The following MYCBP2 variants were observed in gnomAD, a reference collection of about 807,000 sequenced individuals.
MYCBP2 encodes the protein MYC binding protein 2.
In MYCBP2, 120 loss-of-function variants were observed where a neutral mutation model predicts 525.3. The ratio of observed to expected loss-of-function variants is 0.23; its 90% CI spans 0.20 to 0.27. The LOEUF (loss-of-function observed/expected upper bound fraction) is 0.27. MYCBP2 is among the 10% of genes least tolerant of loss of function. The probability of loss-of-function intolerance (pLI) is 1.00; values close to 1 mark genes in which losing one functional copy is unlikely to be tolerated. For missense variants in MYCBP2, 4,149 were observed against 5,657.1 expected (o/e 0.73, Z 8.55); for synonymous variants, 1,894 against 1,955.8 (o/e 0.97, Z 0.83).
intron 48 of MYCBP2, 108 bp downstream of exon 48, chr13:77,146,054 G>A: frequency 1.5e-6 from 1 of 666,496 alleles, no homozygotes; most frequent in Non-Finnish European, 2.5e-6. Flanking sequence ...CTAGAAAAAT[G>A]CTATAAAGTA....
At chr13:77,220,188 G>A (rs2065352495) in intron 20 of MYCBP2, among the ~76,000 whole-genome samples, 1 of 152,030 alleles carries the variant, frequency 6.6e-6, no homozygotes, top group South Asian at 2.1e-4. Context: ...ACTGGTAAGA[G>A]TATAGGTGAA....
rs79425400 is a variant in MYCBP2 at position 77,272,634 on chromosome 13, A to G, written c.945+838T>C. 4.2e-4 allele frequency among the ~76,000 whole-genome samples: 64 copies of G among 152,358 alleles called. No homozygotes were observed. The East Asian group carries it at 0.011, about 26-fold the overall frequency. ...AGCAACTTCAAAATAATTAAGGACC[A>G]TAAAAAGGGACAAAAGGATTCCAAG... On this transcript the variant is annotated intron_variant, in intron 5 of 82. Coordinates refer to ENST00000544440, the MANE Select transcript of MYCBP2 (RefSeq NM_015057.5).
At chr13:77,192,946 T>C (rs1336348784) in intron 27 of MYCBP2, among the ~76,000 whole-genome samples, 1 of 152,066 alleles carries the variant, frequency 6.6e-6, no homozygotes, top group African/African-American at 2.4e-5. Flanking sequence ...CTGGTCAGCA[T>C]GGTAAAACCC....
In MYCBP2 at chr13:77,168,578, A is replaced by G. The variant is rs985392049; in HGVS notation, c.5964T>C (p.Tyr1988=). The G allele has an allele frequency of 1.2e-6, 2 of 1,614,216 alleles. No homozygotes were observed. The highest frequency in any genetic ancestry group is 1.7e-5 in the Admixed American group (1 of 60,024). Residue 1988 remains tyrosine (Y), a synonymous_variant, in exon 40 of 83, where the codon TAT becomes TAC. Transcript: ENST00000544440. ...LPSVAILNQK[Y]APPAFNPNQS... ...GATTAGGGTTGAAGGCAGGCGGTGCATACTTCTGATTCAAAATGGCAACTG... is the reference window on the plus strand; with the variant it reads ...GATTAGGGTTGAAGGCAGGCGGTGCGTACTTCTGATTCAAAATGGCAACTG...
rs1287012409 is a variant in MYCBP2, at chr13:77,098,507, T to G, written c.8647A>C (p.Lys2883Gln). The G allele has an allele frequency of 6.2e-7, 1 of 1,613,742 alleles. No individual in the cohort carries two copies. Among genetic ancestry groups the G allele is most frequent in the Non-Finnish European group, 8.5e-7 (1 of 1,179,820 alleles). ...SYTLDPDTLR[K>Q]KKMPLTEPLR... is the part of the protein sequence containing the mutation. ...GGTTCTGTGAGGGGCATTTTCTTCT[T>G]GCGGAGGGTATCTGGATCAAGTGTG... The change falls in exon 56 of 83, where the codon AAG becomes CAG. Residue 2883 changes from lysine to glutamine, a missense_variant. Around this residue, in one of 21 missense-constraint regions of MYCBP2, gnomAD observed 653 missense variants for 744.7 expected, o/e 0.88. Transcript: ENST00000544440.
chr13:77,121,615 T>C, intron 54 of MYCBP2, 120 bp from the exon 55 acceptor site: 1 of 985,776 alleles, frequency 1.0e-6, no homozygotes, highest in Non-Finnish European at 1.4e-6. Context: ...AGCTCACATC[T>C]AGATTTGATC....
chr13:77,200,733 A>G (rs2062423495), intron 26 of MYCBP2, among the ~76,000 whole-genome samples: 1 of 152,332 alleles, frequency 6.6e-6, no homozygotes, highest in East Asian at 1.9e-4. Context: ...GTGGGGGCCA[A>G]TATTCAACAT....
intron 55 of MYCBP2, chr13:77,118,526 C>T (rs1283728190): frequency 1.3e-6 from 1 of 763,352 alleles, no homozygotes; most frequent in African/African-American, 1.7e-5. Context: ...AAAACTACAA[C>T]TCGTTATTCA....
chr13:77,178,041 C>T (rs1447886085), intron 34 of MYCBP2, 87 bp from the exon 35 acceptor site: 1 of 804,674 alleles, frequency 1.2e-6, no homozygotes, highest in African/African-American at 1.7e-5. Flanking sequence ...AATAAAATAA[C>T]CTTTATTTAA....
rs1409859851 is a variant in MYCBP2 at position 77,185,974 on chromosome 13, G to C, written c.4341C>G (p.Phe1447Leu). ...GVEELRGLKG[F>L]QFTATLLDLE... ...AATCTAGGAGTGTAGCTGTGAACTG[G>C]AATCCTTTTAATCCTCTAAGTTCTT... Residue 1447 changes from phenylalanine to leucine, a missense_variant, in exon 31 of 83, where the codon TTC becomes TTG. Around this residue, in one of 21 missense-constraint regions of MYCBP2, gnomAD observed 292 missense variants for 330.5 expected, o/e 0.88. Coordinates refer to ENST00000544440, the MANE Select transcript of MYCBP2 (RefSeq NM_015057.5). 2 of 1,613,776 alleles carry C rather than the reference G, an allele frequency of 1.2e-6. No individual in the cohort carries two copies. Among genetic ancestry groups the C allele is most frequent in the Non-Finnish European group, 1.7e-6 (2 of 1,179,816 alleles).
intron 3 of MYCBP2, 141 bp downstream of exon 3, chr13:77,288,020 T>C: frequency 1.3e-6 from 1 of 789,606 alleles, no homozygotes; most frequent in South Asian, 1.8e-5. Context: ...CTGCTCCAAA[T>C]CTATTTTTGC....
intron 46 of MYCBP2, among the ~76,000 whole-genome samples, chr13:77,151,267 T>C (rs527578110): frequency 8.5e-5 from 13 of 152,352 alleles, no homozygotes; most frequent in African/African-American, 3.1e-4. Context: ...CATTAAGTTA[T>C]TGCAGGGACT....
chr13:77,309,968 T>A (rs1181587110), intron 1 of MYCBP2, among the ~76,000 whole-genome samples: 1 of 151,956 alleles, frequency 6.6e-6, no homozygotes, highest in Admixed American at 6.6e-5. Context: ...AAAAATTAGC[T>A]GGGCGTGGTG....
At chr13:77,067,919 T>C in intron 70 of MYCBP2, 55 bp from the exon 71 acceptor site, 1 of 1,495,284 alleles carries the variant, frequency 6.7e-7, no homozygotes, top group African/African-American at 1.4e-5. Flanking sequence ...GTTTTAAGGT[T>C]TCTTTTATTT....
chr13:77,324,637 A>G (rs772396091), intron 1 of MYCBP2, among the ~76,000 whole-genome samples: 9 of 152,334 alleles, frequency 5.9e-5, no homozygotes, highest in Non-Finnish European at 7.3e-5. Flanking sequence ...ACTTGAACTA[A>G]TTCTTCATTA....
At chr13:77,092,194 T>C (rs938720545) in intron 59 of MYCBP2, among the ~76,000 whole-genome samples, 8 of 152,178 alleles carry the variant, frequency 5.3e-5, no homozygotes, top group Admixed American at 5.2e-4. Context: ...GCATGCTCTT[T>C]TAATAAGCAC....
At chr13:77,311,565 G>GTTT (rs747995110) in intron 1 of MYCBP2, among the ~76,000 whole-genome samples, 41 of 121,902 alleles carry the variant, frequency 3.4e-4, no homozygotes, top group African/African-American at 1.3e-3. Context: ...GTTTTTTTTT[G>GTTT]TTTTTTTTTT....
rs1346227578 is a variant in MYCBP2, at chr13:77,190,197, C to T, written c.4154+55G>A. 5.8e-6 allele frequency: 7 copies of T among 1,196,828 alleles called. No homozygotes were observed. In the African/African-American group the frequency reaches 7.5e-5, roughly 13 times the overall value. The allele number at this position is 1,196,828 out of a possible 1,614,324, so 74.1% of individuals were successfully genotyped here. A position where few individuals can be genotyped will look rare whatever the true frequency, so the allele number is the denominator to read the frequency against. ...TATGCCACGTTTTGTAATGATTCTA[C>T]TTCATTATAGCAAAATAATAAACCA... On this transcript the variant is annotated intron_variant, in intron 29 of 82. Transcript: ENST00000544440.
At chr13:77,198,411 T>C (rs1478799916) in intron 26 of MYCBP2, among the ~76,000 whole-genome samples, 1 of 152,218 alleles carries the variant, frequency 6.6e-6, no homozygotes, top group African/African-American at 2.4e-5. Context: ...ACCAGCATTA[T>C]GAAGAAGAGT....
Sources: gnomAD v4.1 joint callset for allele counts (sites outside exome capture counted in the v4.1 genomes callset) on GRCh38, gnomAD v4.1.1 for gene constraint, gnomAD v4.1.1 regional missense constraint, MANE v1.5 for transcripts, NCBI Gene and HGNC (gene_info 2026-07-23, HGNC 2026-07-21) for gene names.